Variants in KANSL1 observed in about 807,000 individuals in gnomAD.
The protein encoded by KANSL1 is MLL1/MLL complex subunit KANSL1.
A neutral mutation model predicts 103.6 loss-of-function variants in KANSL1; 22 were observed. That is an observed-to-expected ratio of 0.21 (90% CI 0.15 to 0.30). The LOEUF (loss-of-function observed/expected upper bound fraction) is 0.30, where lower values mean the gene tolerates loss of function less well. Ranked by LOEUF, KANSL1 falls within the 10% of genes least tolerant of loss-of-function variation. The probability of loss-of-function intolerance (pLI) is 1.00; values close to 1 mark genes in which losing one functional copy is unlikely to be tolerated. For missense variants in KANSL1, 1,337 were observed against 1,399.8 expected (o/e 0.96, Z 0.72); for synonymous variants, 600 against 527.6 (o/e 1.14, Z -1.88).
At position 46,172,132 on chromosome 17, in the gene KANSL1, C is replaced by T. The variant is rs146472353; in HGVS notation, c.12G>A (p.Met4Ile). 22 of 1,604,236 alleles carry T rather than the reference C, an allele frequency of 1.4e-5. No homozygotes were observed. The African/African-American group carries it at 1.9e-4, about 14-fold the overall frequency. Reference sequence around the variant, plus strand: ...CTGCTGCGTCAGTGAGAGCGGGCGCCATCGCAGCCATTCAGCACAGAGAGA... The same window carrying T: ...CTGCTGCGTCAGTGAGAGCGGGCGCTATCGCAGCCATTCAGCACAGAGAGA... MAAMAPALTDAAAE... is the reference protein window; with the variant it reads MAAIAPALTDAAAE... Residue 4 changes from methionine (M) to isoleucine (I), a missense_variant, in exon 2 of 15, where the codon ATG becomes ATA. Transcript: ENST00000432791.
chr17:46,129,034 G>A (rs1300583327), intron 2 of KANSL1, among the ~76,000 whole-genome samples: 1 of 152,112 alleles, frequency 6.6e-6, no homozygotes, highest in Admixed American at 6.5e-5. Flanking sequence ...TTTTCAGAAT[G>A]TAATCTGAAG....
At chr17:46,088,179 C>T (rs558022752) in intron 3 of KANSL1, among the ~76,000 whole-genome samples, 2 of 152,348 alleles carry the variant, frequency 1.3e-5, no homozygotes, top group South Asian at 2.1e-4. Context: ...GTCACAGTTA[C>T]ATGCAGCCTT....
chr17:46,104,063 T>G (rs562327871), intron 2 of KANSL1, among the ~76,000 whole-genome samples: 1 of 152,194 alleles, frequency 6.6e-6, no homozygotes, highest in African/African-American at 2.4e-5. Flanking sequence ...CTTTAGTAGT[T>G]TGATACATTT....
chr17:46,134,040 G>A (rs1181119336), intron 2 of KANSL1, among the ~76,000 whole-genome samples: 4 of 152,188 alleles, frequency 2.6e-5, no homozygotes, highest in Non-Finnish European at 5.9e-5. Context: ...GAGGAAGGAT[G>A]GGGATGGAAG....
intron 1 of KANSL1, among the ~76,000 whole-genome samples, chr17:46,191,846 G>A (rs2047343149): frequency 6.6e-6 from 1 of 152,210 alleles, no homozygotes; most frequent in South Asian, 2.1e-4. Context: ...GAGGCTGGAG[G>A]AAGAGAGATT....
intron 1 of KANSL1, among the ~76,000 whole-genome samples, chr17:46,205,338 G>A (rs2047927249): frequency 1.3e-5 from 2 of 151,776 alleles, no homozygotes; most frequent in African/African-American, 2.4e-5. Context: ...ATCTGAACAT[G>A]AAAAGTTTTT....
At chr17:46,123,113 A>T (rs1432368722) in intron 2 of KANSL1, among the ~76,000 whole-genome samples, 2 of 152,278 alleles carry the variant, frequency 1.3e-5, no homozygotes, top group African/African-American at 4.8e-5. Context: ...GCAGTGGCTC[A>T]TGCCTGTAAT....
chr17:46,047,802 T>TAAA (rs66740033), intron 7 of KANSL1, among the ~76,000 whole-genome samples: 6 of 120,136 alleles, frequency 5.0e-5, no homozygotes, highest in Non-Finnish European at 1.1e-4. Context: ...AAATAAAAAT[T>TAAA]AAAAAAAAAA....
Position 46,082,413 on chromosome 17 carries a change from T to G in KANSL1, c.1533+28A>C, listed in dbSNP as rs774448847. 8 of 1,443,642 alleles carry G rather than the reference T, an allele frequency of 5.5e-6. No individual in the cohort carries two copies. The East Asian group carries it at 1.8e-4, about 33-fold the overall frequency. 89.4% of individuals were successfully genotyped at this position (1,443,642 alleles called of 1,614,324 possible). ...AGACAACACCCTTAATTCTCACGCATTTCCCCCTTTCTATCTTTTATACTT... is the reference window on the plus strand; with the variant it reads ...AGACAACACCCTTAATTCTCACGCAGTTCCCCCTTTCTATCTTTTATACTT... On this transcript the variant is annotated intron_variant, in intron 4 of 14. Coordinates refer to ENST00000432791, the MANE Select transcript of KANSL1 (RefSeq NM_015443.4).
intron 2 of KANSL1, among the ~76,000 whole-genome samples, chr17:46,137,936 A>T (rs940112461): frequency 5.3e-5 from 8 of 152,200 alleles, no homozygotes; most frequent in Non-Finnish European, 2.9e-5. Flanking sequence ...TCAGATGAAA[A>T]GGTGTCTGCA....
chr17:46,094,796 T>C (rs950313528), intron 2 of KANSL1, 95 bp from the exon 3 acceptor site: 10 of 1,416,862 alleles, frequency 7.1e-6, no homozygotes, highest in Non-Finnish European at 9.9e-6. Context: ...TAAAGGCCCT[T>C]GCAGAGACTA....
intron 3 of KANSL1, among the ~76,000 whole-genome samples, chr17:46,086,250 CAGAT>C (rs1477076942): frequency 3.9e-5 from 6 of 152,166 alleles, no homozygotes. Context: ...ATACAACCCT[CAGAT>C]AGATTATGAA....
intron 1 of KANSL1, among the ~76,000 whole-genome samples, chr17:46,190,917 A>G (rs1192012905): frequency 2.6e-5 from 4 of 152,226 alleles, no homozygotes; most frequent in African/African-American, 9.6e-5. Flanking sequence ...TACACATCAC[A>G]CTGCACATAT....
At chr17:46,059,647 A>AAAAAAGAGAGAG (rs541946204) in intron 6 of KANSL1, among the ~76,000 whole-genome samples, 26 of 54,870 alleles carry the variant, frequency 4.7e-4, no homozygotes, top group East Asian at 1.4e-3. Context: ...AAAAAAAAAA[A>AAAAAAGAGAGAG]AGAGAGAGAG....
intron 2 of KANSL1, among the ~76,000 whole-genome samples, chr17:46,143,277 T>C (rs957331018): frequency 1.3e-5 from 2 of 151,980 alleles, no homozygotes; most frequent in African/African-American, 4.8e-5. Context: ...GTGGATCACC[T>C]GAAGTCAGGA....
At chr17:46,108,545 A>G (rs891549413) in intron 2 of KANSL1, among the ~76,000 whole-genome samples, 14 of 152,102 alleles carry the variant, frequency 9.2e-5, no homozygotes, top group African/African-American at 3.4e-4. Flanking sequence ...TGTTTCCCCC[A>G]CTAGAATCAT....
At chr17:46,053,582 C>T (rs1598489853) in intron 6 of KANSL1, among the ~76,000 whole-genome samples, 1 of 152,158 alleles carries the variant, frequency 6.6e-6, no homozygotes, top group Admixed American at 6.5e-5. Flanking sequence ...CAGGCGCCCA[C>T]CACCACACCC....
chr17:46,079,048 A>G (rs2078891505), intron 4 of KANSL1, among the ~76,000 whole-genome samples: 6 of 152,084 alleles, frequency 3.9e-5, no homozygotes, highest in Admixed American at 3.9e-4. Flanking sequence ...AAAAAGAGGC[A>G]TTTTTCTAGG....
In KANSL1 at chr17:46,064,072, C is replaced by CAA. The variant is rs71786950; in HGVS notation, c.1848+2463_1848+2464dup. On this transcript the variant is annotated intron_variant, in intron 6 of 14. Transcript: ENST00000432791. ...TATTAGTAAAAAAAAAAAAAAAAAACAAAAAAAAACTGAGACTGAAATGTC... is the reference window on the plus strand; with the variant it reads ...TATTAGTAAAAAAAAAAAAAAAAAACAAAAAAAAAAACTGAGACTGAAATGTC... 8.8e-5 allele frequency among the ~76,000 whole-genome samples: 11 copies of CAA among 125,654 alleles called. No homozygotes were observed. In the East Asian group the frequency reaches 1.4e-3, roughly 16 times the overall value. The allele number at this position is 125,654 out of a possible 152,430, so 82.4% of individuals were successfully genotyped here.
Sources: allele counts gnomAD v4.1 joint callset (sites outside exome capture counted in the v4.1 genomes callset), GRCh38; gene constraint gnomAD v4.1.1; transcripts MANE v1.5; gene names NCBI Gene and HGNC (gene_info 2026-07-23, HGNC 2026-07-21).